PHLDB2: variants seen among roughly 807,000 people sequenced by gnomAD.
PHLDB2 encodes the protein pleckstrin homology-like domain family B member 2.
A neutral mutation model predicts 123.6 loss-of-function variants in PHLDB2; 71 were observed. The ratio of observed to expected loss-of-function variants is 0.57; its 90% CI spans 0.47 to 0.70. PHLDB2 has a LOEUF of 0.70. Among genes scored for constraint, PHLDB2 ranks in the 30% least tolerant of loss-of-function variants. PHLDB2 has a pLI of 0.00. For synonymous variants in PHLDB2, 547 were observed against 541.6 expected (o/e 1.01, Z -0.14); for missense variants, 1,446 against 1,519.5 (o/e 0.95, Z 0.80).
At chr3:111,967,653 A>G in intron 14 of PHLDB2, 25 bp from the exon 15 acceptor site, 1 of 1,583,812 alleles carries the variant, frequency 6.3e-7, no homozygotes, top group Non-Finnish European at 8.6e-7. Flanking sequence ...GTTTTAAAAT[A>G]ATCATTGTTA....
At chr3:111,924,748 G>T (rs945282783) in intron 5 of PHLDB2, among the ~76,000 whole-genome samples, 14 of 152,254 alleles carry the variant, frequency 9.2e-5, no homozygotes, top group African/African-American at 3.4e-4. Context: ...CTGTAAGCCT[G>T]GCTCTAGAAT....
intron 1 of PHLDB2, among the ~76,000 whole-genome samples, chr3:111,873,315 A>T (rs999479431): frequency 6.7e-6 from 1 of 150,082 alleles, no homozygotes; most frequent in Admixed American, 6.7e-5. Context: ...AAGTGGTGGC[A>T]CTTCCTGGGG....
intron 2 of PHLDB2, among the ~76,000 whole-genome samples, chr3:111,908,425 T>C (rs886642757): frequency 2.0e-5 from 3 of 152,194 alleles, no homozygotes; most frequent in African/African-American, 7.2e-5. Flanking sequence ...CTCCAAGTCT[T>C]AAATACAGGT....
At chr3:111,965,532 A>G (rs991413189) in intron 13 of PHLDB2, among the ~76,000 whole-genome samples, 4 of 152,214 alleles carry the variant, frequency 2.6e-5, no homozygotes, top group Admixed American at 6.5e-5. Flanking sequence ...CTTCATTTTT[A>G]TATGAATTTT....
chr3:111,843,026 A>AT (rs1206321340), intron 1 of PHLDB2, among the ~76,000 whole-genome samples: 1 of 152,132 alleles, frequency 6.6e-6, no homozygotes, highest in Non-Finnish European at 1.5e-5. Context: ...AGTTGTTTCC[A>AT]TTTTTTGCTA....
rs2064676007 is a variant in PHLDB2, at chr3:111,859,380, G to T, written c.-211G>T. 3.0e-6 allele frequency: 3 copies of T among 985,552 alleles called. No individual in the cohort carries two copies. Among genetic ancestry groups the T allele is most frequent in the East Asian group, 1.1e-4 (1 of 8,832 alleles). 61.1% of individuals were successfully genotyped at this position (985,552 alleles called of 1,614,324 possible). A position where few individuals can be genotyped will look rare whatever the true frequency, so the allele number is the denominator to read the frequency against. The stretch of plus-strand genomic sequence containing the variant: ...AGCAAACTGCCTGGGAGCGGGGCAG[G>T]TCACCAACTTCGTTGCTCGAACTCC... On this transcript the variant is annotated 5_prime_UTR_variant, in exon 1 of 18. Coordinates refer to ENST00000431670, the MANE Select transcript of PHLDB2 (RefSeq NM_001134438.2).
intron 1 of PHLDB2, among the ~76,000 whole-genome samples, chr3:111,827,526 T>C (rs2062718850): frequency 6.6e-6 from 1 of 151,874 alleles, no homozygotes; most frequent in South Asian, 2.1e-4. Context: ...ATACAAAAAA[T>C]TAGCCGGGTG....
chr3:111,907,409 A>T (rs2067608519), intron 2 of PHLDB2, among the ~76,000 whole-genome samples: 1 of 152,206 alleles, frequency 6.6e-6, no homozygotes, highest in South Asian at 2.1e-4. Flanking sequence ...GTGTTACTCT[A>T]CCAGCATTAA....
chr3:111,846,032 C>G, intron 2 of PHLDB2: 1 of 1,229,158 alleles, frequency 8.1e-7, no homozygotes, highest in Non-Finnish European at 1.2e-6. Flanking sequence ...AGCATATACC[C>G]AGGAGTCCAG....
At chr3:111,886,311 A>G (rs1173460986) in intron 2 of PHLDB2, among the ~76,000 whole-genome samples, 1 of 152,214 alleles carries the variant, frequency 6.6e-6, no homozygotes, top group Admixed American at 6.5e-5. Context: ...AAACTGGTTG[A>G]TACCCTATAG....
intron 12 of PHLDB2, among the ~76,000 whole-genome samples, chr3:111,954,541 C>T (rs1325087184): frequency 6.6e-6 from 1 of 152,114 alleles, no homozygotes; most frequent in African/African-American, 2.4e-5. Context: ...GACTTTGACT[C>T]TCAGCATTTT....
intron 1 of PHLDB2, among the ~76,000 whole-genome samples, chr3:111,842,636 CTACT>C (rs1339633628): frequency 6.6e-6 from 1 of 152,082 alleles, no homozygotes; most frequent in Non-Finnish European, 1.5e-5. Flanking sequence ...TATAATTCAC[CTACT>C]TAAAGTTTAC....
At chr3:111,945,194 A>G (rs746141634) in intron 8 of PHLDB2, 74 bp from the exon 9 acceptor site, 143 of 962,454 alleles carry the variant, frequency 1.5e-4, no homozygotes, top group Non-Finnish European at 2.2e-4. Context: ...GTTAGTCTCT[A>G]ATGCAAAGTC....
Position 111,962,232 on chromosome 3 carries a change from G to A in PHLDB2, c.2997G>A (p.Gln999=). ...FHYPDHSYKD[Q]AFDTLSLDSS... is the part of the protein sequence containing the mutation. ...ATCCAGATCACAGCTACAAGGACCA[G>A]GCCTTTGATACTCTGAGCCTCGATA... The change falls in exon 13 of 18, where the codon CAG becomes CAA. Residue 999 remains glutamine, a synonymous_variant. Transcript: ENST00000431670. The A allele has an allele frequency of 6.3e-7, 1 of 1,580,930 alleles. No homozygotes were observed. The highest frequency in any genetic ancestry group is 8.5e-7 in the Non-Finnish European group (1 of 1,171,166).
intron 1 of PHLDB2, among the ~76,000 whole-genome samples, chr3:111,763,605 G>C (rs542350475): frequency 1.3e-5 from 2 of 152,278 alleles, no homozygotes; most frequent in African/African-American, 4.8e-5. Context: ...GCAAGGAAAA[G>C]AGCAGTGCTA....
intron 2 of PHLDB2, among the ~76,000 whole-genome samples, chr3:111,886,510 C>G (rs1429069045): frequency 6.6e-6 from 1 of 151,166 alleles, no homozygotes; most frequent in African/African-American, 2.4e-5. Flanking sequence ...CAAGACAATT[C>G]TTCTCCAGTG....
At chr3:111,832,533 C>T (rs2063098808) in intron 1 of PHLDB2, among the ~76,000 whole-genome samples, 1 of 149,122 alleles carries the variant, frequency 6.7e-6, no homozygotes, top group Non-Finnish European at 1.5e-5. Flanking sequence ...TAGGCTTTTT[C>T]CCGCTGTTAA....
In PHLDB2 at chr3:111,743,629, T is replaced by C. The variant is rs1171486242; in HGVS notation, c.-49+10926T>C. 2.0e-5 allele frequency among the ~76,000 whole-genome samples: 3 copies of C among 152,142 alleles called. No individual in the cohort carries two copies. In the East Asian group the frequency reaches 5.8e-4, roughly 29 times the overall value. On this transcript the variant is annotated intron_variant, in intron 1 of 17. Coordinates refer to the PHLDB2 transcript ENST00000393923. ...ATGACCAACCCAGCCCCCATCCCAA[T>C]AGCCTACATTAGCATCCAAATCCAA...
intron 2 of PHLDB2, among the ~76,000 whole-genome samples, chr3:111,900,499 A>T (rs1297651517): frequency 6.6e-6 from 1 of 152,210 alleles, no homozygotes; most frequent in Non-Finnish European, 1.5e-5. Context: ...AGGGAGAGAG[A>T]CAGGGAAATG....
Sources: allele counts gnomAD v4.1 joint callset (sites outside exome capture counted in the v4.1 genomes callset), GRCh38; gene constraint gnomAD v4.1.1; transcripts MANE v1.5; gene names NCBI Gene and HGNC (gene_info 2026-07-23, HGNC 2026-07-21).